SMAD9: variants seen among roughly 807,000 people sequenced by gnomAD.
SMAD9 encodes SMAD family member 9.
A neutral mutation model predicts 46.1 loss-of-function variants in SMAD9; 36 were observed. That is an observed-to-expected ratio of 0.78 (90% CI 0.60 to 1.03). SMAD9 has a LOEUF of 1.03. Among genes scored for constraint, SMAD9 ranks in the 50% least tolerant of loss-of-function variants. The pLI is 0.00. For synonymous variants in SMAD9, 245 were observed against 237.1 expected, an observed-to-expected ratio of 1.03 and a Z score of -0.31; for missense variants, 572 against 599.8, an observed-to-expected ratio of 0.95 and a Z score of 0.48.
Position 36,848,712 on chromosome 13 carries a change from C to T in SMAD9, c.1368G>A (p.Met456Ile). 1 of 1,614,116 alleles carries T rather than the reference C, an allele frequency of 6.2e-7. No individual in the cohort carries two copies. Among genetic ancestry groups the T allele is most frequent in the Middle Eastern group, 1.6e-4 (1 of 6,062 alleles). The change falls in exon 7 of 7, where the codon ATG (methionine) becomes ATA (isoleucine). Residue 456 changes from methionine (M) to isoleucine (I), a missense_variant. Coordinates refer to ENST00000379826, the MANE Select transcript of SMAD9 (RefSeq NM_001127217.3). ...LQWLDKVLTQ[M>I]GSPHNPISSV... ...AAGAAATGGGGTTATGTGGAGAGCCCATCTGAGTCAGAACTTTGTCCAGCC... is the reference window on the plus strand; with the variant it reads ...AAGAAATGGGGTTATGTGGAGAGCCTATCTGAGTCAGAACTTTGTCCAGCC...
intron 1 of SMAD9, among the ~76,000 whole-genome samples, chr13:36,895,659 G>A (rs1022184910): frequency 1.3e-5 from 2 of 152,204 alleles, no homozygotes; most frequent in Non-Finnish European, 1.5e-5. Flanking sequence ...AGAGAAAGAT[G>A]TGTTCAATGT....
intron 2 of SMAD9, among the ~76,000 whole-genome samples, chr13:36,875,594 A>G (rs1174685342): frequency 1.3e-5 from 2 of 152,334 alleles, no homozygotes; most frequent in African/African-American, 2.4e-5. Flanking sequence ...TATGTGCCTC[A>G]TGAATAGTCT....
At chr13:36,912,204 T>C (rs375481401) in intron 1 of SMAD9, among the ~76,000 whole-genome samples, 4 of 152,300 alleles carry the variant, frequency 2.6e-5, no homozygotes, top group East Asian at 3.9e-4. Context: ...CGGGTTAAAA[T>C]TGAATAGTTC....
At chr13:36,852,358 T>C (rs1019809682) in intron 6 of SMAD9, 20 of 985,212 alleles carry the variant, frequency 2.0e-5, no homozygotes, top group Admixed American at 6.2e-5. Flanking sequence ...CCCGATACTT[T>C]GATAAGCCCA....
chr13:36,866,924 C>A (rs2058240489), intron 4 of SMAD9, among the ~76,000 whole-genome samples: 11 of 152,142 alleles, frequency 7.2e-5, no homozygotes, highest in Admixed American at 7.2e-4. Flanking sequence ...ACCTCTCTGG[C>A]CAACTGAAAG....
chr13:36,891,834 A>G (rs1455473690), intron 1 of SMAD9, among the ~76,000 whole-genome samples: 2 of 152,216 alleles, frequency 1.3e-5, no homozygotes, highest in Non-Finnish European at 2.9e-5. Flanking sequence ...TGCTCCTTCC[A>G]TCTGGCATCT....
intron 2 of SMAD9, among the ~76,000 whole-genome samples, chr13:36,876,745 T>C (rs1327056535): frequency 6.6e-6 from 1 of 152,150 alleles, no homozygotes; most frequent in Admixed American, 6.5e-5. Flanking sequence ...GTATCTAAAA[T>C]GGATGGCTAA....
chr13:36,873,094 A>G (rs1287599251), intron 2 of SMAD9, among the ~76,000 whole-genome samples, 179 bp from the exon 3 acceptor site: 1 of 152,146 alleles, frequency 6.6e-6, no homozygotes, highest in Admixed American at 6.5e-5. Context: ...CCCCATCTCC[A>G]CCTAAGAAGC....
intron 3 of SMAD9, among the ~76,000 whole-genome samples, chr13:36,869,884 GA>G (rs2058274147): frequency 1.3e-5 from 2 of 151,856 alleles, no homozygotes; most frequent in Non-Finnish European, 2.9e-5. Context: ...ACCACTACTT[GA>G]AAAAAATTAA....
At chr13:36,858,439 CAA>C (rs1435001330) in intron 5 of SMAD9, among the ~76,000 whole-genome samples, 1 of 152,190 alleles carries the variant, frequency 6.6e-6, no homozygotes, top group African/African-American at 2.4e-5. Flanking sequence ...CTAACTCACA[CAA>C]AGTCACCTCT....
intron 1 of SMAD9, among the ~76,000 whole-genome samples, chr13:36,889,167 C>T (rs2058470931): frequency 6.6e-6 from 1 of 151,952 alleles, no homozygotes; most frequent in Non-Finnish European, 1.5e-5. Context: ...TTCATTTTTT[C>T]CCACCCTTCC....
intron 1 of SMAD9, among the ~76,000 whole-genome samples, chr13:36,893,263 T>C (rs895842537): frequency 1.3e-5 from 2 of 151,922 alleles, no homozygotes; most frequent in African/African-American, 2.4e-5. Context: ...TCATTGTTGA[T>C]AGTGGGGAAA....
chr13:36,886,857 CAG>C (rs1566030534), intron 1 of SMAD9, among the ~76,000 whole-genome samples: 1 of 151,896 alleles, frequency 6.6e-6, no homozygotes, highest in African/African-American at 2.4e-5. Flanking sequence ...GAGGGTGGCA[CAG>C]GGGTGGAGAG....
At chr13:36,850,118 G>T (rs1340158106) in intron 6 of SMAD9, 1 of 152,082 alleles carries the variant, frequency 6.6e-6, no homozygotes, top group Non-Finnish European at 1.5e-5. Context: ...TTCTTGTCAA[G>T]ATCAAAAAAG....
chr13:36,874,520 TAGATATCAAGGATGAG>T (rs2058326574), intron 2 of SMAD9, among the ~76,000 whole-genome samples: 1 of 151,742 alleles, frequency 6.6e-6, no homozygotes, highest in Non-Finnish European at 1.5e-5. Context: ...AACTAAAATA[TAGATATCAAGGATGAG>T]AAGAGGAGGA....
rs183727858 is a variant in SMAD9 at position 36,861,921 on chromosome 13, T to C, written c.1003+3616A>G. On this transcript the variant is annotated intron_variant, in intron 5 of 6. Transcript: ENST00000379826. ...TCCAGCCTGGGTGACAGAGCAAGAC[T>C]CCCGTCTCAAAAAAAAAAAAAAATC... Among the ~76,000 whole-genome samples the C allele has an allele frequency of 9.0e-3, 1,295 of 143,960 alleles. 24 individuals carry two copies. The highest frequency in any genetic ancestry group is 0.032 in the African/African-American group (1,235 of 38,570). The allele number at this position is 143,960 out of a possible 152,430, so 94.4% of individuals were successfully genotyped here.
In SMAD9 at chr13:36,907,446, T is replaced by C. The variant is rs9576133; in HGVS notation, c.-187+12670A>G. On this transcript the variant is annotated intron_variant, in intron 1 of 6. Coordinates refer to ENST00000379826, the MANE Select transcript of SMAD9 (RefSeq NM_001127217.3). ...GGCTTTGGGAGGCCAGGTGGAAAGA[T>C]TGCTTGAGGCCAGAAGTACAAGACT... 4.6e-5 allele frequency among the ~76,000 whole-genome samples: 7 copies of C among 152,300 alleles called. No individual in the cohort carries two copies. The East Asian group carries it at 1.3e-3, about 29-fold the overall frequency.
chr13:36,848,836 GA>G lies in SMAD9; in HGVS notation c.1261-18del, dbSNP rs1470922452. On this transcript the variant is annotated intron_variant, in intron 6 of 6. Transcript: ENST00000379826. ...ACCCCAACCCTGAAAAACAAGAAAGGAGCTGAGTGATGGTGCCACACTTACA... is the reference window on the plus strand; with the variant it reads ...ACCCCAACCCTGAAAAACAAGAAAGGGCTGAGTGATGGTGCCACACTTACA... 6.2e-7 allele frequency: 1 copy of G among 1,612,474 alleles called. No homozygotes were observed. The highest frequency in any genetic ancestry group is 1.7e-5 in the Admixed American group (1 of 60,022).
chr13:36,853,367 T>C lies in SMAD9; in HGVS notation c.1260+52A>G, dbSNP rs2138283713. 9.4e-6 allele frequency: 15 copies of C among 1,603,092 alleles called. No homozygotes were observed. The South Asian group carries it at 1.5e-4, about 16-fold the overall frequency. On this transcript the variant is annotated intron_variant, in intron 6 of 6. Coordinates refer to ENST00000379826, the MANE Select transcript of SMAD9 (RefSeq NM_001127217.3). ...CTGCCACATCAGTCAGGGTGCTTTTTTGTTTTGTTTTTCACTGAACATTTT... is the reference window on the plus strand; with the variant it reads ...CTGCCACATCAGTCAGGGTGCTTTTCTGTTTTGTTTTTCACTGAACATTTT...
Sources: gnomAD v4.1 joint callset for allele counts (sites outside exome capture counted in the v4.1 genomes callset) on GRCh38, gnomAD v4.1.1 for gene constraint, MANE v1.5 for transcripts, NCBI Gene and HGNC (gene_info 2026-07-23, HGNC 2026-07-21) for gene names.